NRG1: variants seen among roughly 807,000 people sequenced by gnomAD.
NRG1 encodes the protein pro-neuregulin-1, membrane-bound isoform.
Under a neutral mutation model 63.8 loss-of-function variants are expected in NRG1, and 18 were observed. The ratio of observed to expected loss-of-function variants is 0.28; its 90% CI spans 0.19 to 0.42. The LOEUF (loss-of-function observed/expected upper bound fraction) is 0.42. Among genes scored for constraint, NRG1 ranks in the 10% least tolerant of loss-of-function variants. The probability of loss-of-function intolerance (pLI) is 1.00; values close to 1 mark genes in which losing one functional copy is unlikely to be tolerated. For missense variants in NRG1, 762 were observed against 814.7 expected, an observed-to-expected ratio of 0.94 and a Z score of 0.79; for synonymous variants, 302 against 301.3, an observed-to-expected ratio of 1.00 and a Z score of -0.02.
intron 1 of NRG1, among the ~76,000 whole-genome samples, chr8:32,147,426 C>G (rs1836994674): frequency 1.3e-5 from 2 of 152,152 alleles, no homozygotes; most frequent in Non-Finnish European, 2.9e-5. Context: ...CCTATGCAGT[C>G]ACTAAAAATG....
At chr8:31,662,177 C>A (rs947781331) in intron 1 of NRG1, among the ~76,000 whole-genome samples, 12 of 152,160 alleles carry the variant, frequency 7.9e-5, no homozygotes, top group Admixed American at 7.2e-4. Context: ...AATTAGTGGA[C>A]AGAGACAGGT....
chr8:32,347,922 C>G (rs1487148), intron 1 of NRG1, among the ~76,000 whole-genome samples: 78,679 of 152,012 alleles, frequency 0.52, 21,277 homozygotes, highest in Non-Finnish European at 0.61. Context: ...AAGGCCTTTT[C>G]AAAGAAAGGC....
intron 1 of NRG1, among the ~76,000 whole-genome samples, chr8:31,848,511 G>A (rs1187351976): frequency 6.7e-6 from 1 of 148,654 alleles, no homozygotes; most frequent in Non-Finnish European, 1.5e-5. Context: ...CCTGGGCCAT[G>A]GACCAGTATC....
intron 1 of NRG1, among the ~76,000 whole-genome samples, chr8:32,038,951 A>G (rs1819506387): frequency 6.6e-6 from 1 of 152,112 alleles, no homozygotes; most frequent in Non-Finnish European, 1.5e-5. Context: ...CCTCTCAGAA[A>G]AAGGAAAAAA....
At chr8:32,744,106 T>C (rs1370568307) in intron 7 of NRG1, among the ~76,000 whole-genome samples, 1 of 152,264 alleles carries the variant, frequency 6.6e-6, no homozygotes, top group Non-Finnish European at 1.5e-5. Context: ...GAAACAGTGA[T>C]GTAAGTTGGT....
intron 1 of NRG1, among the ~76,000 whole-genome samples, chr8:32,382,441 T>C (rs1810473203): frequency 6.6e-6 from 1 of 152,144 alleles, no homozygotes; most frequent in African/African-American, 2.4e-5. Flanking sequence ...GCTATATGTG[T>C]TTGACTGAGG....
intron 1 of NRG1, among the ~76,000 whole-genome samples, chr8:31,843,094 C>A (rs960805189): frequency 3.9e-5 from 6 of 151,928 alleles, no homozygotes; most frequent in Admixed American, 2.6e-4. Context: ...TGTAGCAGGA[C>A]ACCTCTGTTC....
intron 1 of NRG1, among the ~76,000 whole-genome samples, chr8:32,064,607 C>A (rs1262679263): frequency 1.3e-5 from 2 of 152,064 alleles, no homozygotes; most frequent in Admixed American, 1.3e-4. Context: ...TAAGAAAAGT[C>A]TTTTTCATTG....
chr8:32,382,334 C>T (rs1320770182), intron 1 of NRG1, among the ~76,000 whole-genome samples: 3 of 152,002 alleles, frequency 2.0e-5, no homozygotes, highest in Admixed American at 1.3e-4. Context: ...TTTTCATAAC[C>T]GTAGAAATTA....
intron 1 of NRG1, among the ~76,000 whole-genome samples, chr8:32,115,880 C>T (rs187978813): frequency 6.6e-6 from 1 of 152,220 alleles, no homozygotes; most frequent in Non-Finnish European, 1.5e-5. Flanking sequence ...TGCTCTTGAC[C>T]TCTACCCAGA....
intron 1 of NRG1, among the ~76,000 whole-genome samples, chr8:32,456,092 T>C (rs1821561808): frequency 6.6e-6 from 1 of 152,248 alleles, no homozygotes; most frequent in Non-Finnish European, 1.5e-5. Context: ...AATTGTTTCA[T>C]TGGCTGTCAG....
At chr8:32,047,033 A>T (rs558580669) in intron 1 of NRG1, among the ~76,000 whole-genome samples, 2 of 151,962 alleles carry the variant, frequency 1.3e-5, no homozygotes, top group Admixed American at 6.6e-5. Flanking sequence ...GGCTACACTC[A>T]TTTTCCCAAC....
chr8:32,220,015 T>G (rs1430029893), intron 1 of NRG1, among the ~76,000 whole-genome samples: 1 of 152,110 alleles, frequency 6.6e-6, no homozygotes, highest in African/African-American at 2.4e-5. Context: ...GAGAATGCCA[T>G]GAAGGGCAAT....
At chr8:32,016,793 G>A (rs151289440) in intron 1 of NRG1, among the ~76,000 whole-genome samples, 45 of 152,182 alleles carry the variant, frequency 3.0e-4, no homozygotes, top group African/African-American at 8.7e-4. Flanking sequence ...AAATTTAAGC[G>A]AGGATTTGGG....
At chr8:32,116,925 A>G (rs1258682789) in intron 1 of NRG1, among the ~76,000 whole-genome samples, 1 of 147,056 alleles carries the variant, frequency 6.8e-6, no homozygotes, top group Non-Finnish European at 1.5e-5. Context: ...GATGATTGTT[A>G]GAGCCCAGGA....
At chr8:31,673,283 C>G (rs184900478) in intron 1 of NRG1, among the ~76,000 whole-genome samples, 5 of 152,130 alleles carry the variant, frequency 3.3e-5, no homozygotes, top group Non-Finnish European at 4.4e-5. Context: ...TAGAGAAACA[C>G]TGATTCTCTT....
At chr8:32,689,115 A>G (rs1315287088) in intron 5 of NRG1, among the ~76,000 whole-genome samples, 1 of 152,234 alleles carries the variant, frequency 6.6e-6, no homozygotes, top group African/African-American at 2.4e-5. Context: ...GAGCTGTCCA[A>G]GAAAAAGTGA....
intron 1 of NRG1, among the ~76,000 whole-genome samples, chr8:32,408,582 C>T (rs906720192): frequency 1.4e-5 from 2 of 140,466 alleles, no homozygotes; most frequent in African/African-American, 5.3e-5. Context: ...GGGGAAATCT[C>T]CAAAAACTGC....
At chr8:32,186,945 A>G (rs1234163830) in intron 1 of NRG1, among the ~76,000 whole-genome samples, 1 of 152,186 alleles carries the variant, frequency 6.6e-6, no homozygotes, top group Non-Finnish European at 1.5e-5. Flanking sequence ...GGAAAGCTAA[A>G]TCATAGACTT....
Sources: allele counts gnomAD v4.1 joint callset (sites outside exome capture counted in the v4.1 genomes callset), GRCh38; gene constraint gnomAD v4.1.1; transcripts MANE v1.5; gene names NCBI Gene and HGNC (gene_info 2026-07-23, HGNC 2026-07-21).